Variants in MGMT observed in about 807,000 individuals in gnomAD.
The protein encoded by MGMT is methylated-DNA--protein-cysteine methyltransferase.
Under a neutral mutation model 15.9 loss-of-function variants are expected in MGMT, and 14 were observed. That is an observed-to-expected ratio of 0.88 (90% CI 0.58 to 1.37). The LOEUF is 1.37. Among genes scored for constraint, MGMT ranks in the 40% most tolerant of loss-of-function variants. MGMT has a pLI of 0.00. For missense variants in MGMT, 282 were observed against 268.1 expected, an observed-to-expected ratio of 1.05 and a Z score of -0.36; for synonymous variants, 130 against 118.2, an observed-to-expected ratio of 1.10 and a Z score of -0.65.
intron 2 of MGMT, among the ~76,000 whole-genome samples, chr10:129,552,613 C>T (rs1450739210): frequency 1.3e-5 from 2 of 152,230 alleles, no homozygotes; most frequent in Non-Finnish European, 2.9e-5. Flanking sequence ...AATTCTGCAT[C>T]GCAGGCACAT....
At chr10:129,739,526 A>G (rs1848606132) in intron 3 of MGMT, among the ~76,000 whole-genome samples, 1 of 152,146 alleles carries the variant, frequency 6.6e-6, no homozygotes, top group Non-Finnish European at 1.5e-5. Flanking sequence ...TGCTTTGTGC[A>G]TCTCTGTTGA....
chr10:129,633,732 T>C (rs73388744), intron 2 of MGMT, among the ~76,000 whole-genome samples: 1 of 152,106 alleles, frequency 6.6e-6, no homozygotes, highest in Non-Finnish European at 1.5e-5. Flanking sequence ...CATGTGGTTA[T>C]ATGCATAAAA....
At chr10:129,724,684 G>A (rs901884798) in intron 3 of MGMT, among the ~76,000 whole-genome samples, 1 of 152,284 alleles carries the variant, frequency 6.6e-6, no homozygotes, top group East Asian at 1.9e-4. Flanking sequence ...TGGATATGGG[G>A]TGGAGAGATG....
intron 1 of MGMT, among the ~76,000 whole-genome samples, chr10:129,520,223 A>G (rs1482949226): frequency 6.6e-6 from 1 of 152,134 alleles, no homozygotes; most frequent in Non-Finnish European, 1.5e-5. Context: ...GGGCCAGGCC[A>G]GAAATATTTC....
intron 1 of MGMT, among the ~76,000 whole-genome samples, chr10:129,496,917 T>C (rs1845527495): frequency 6.6e-6 from 1 of 152,170 alleles, no homozygotes; most frequent in South Asian, 2.1e-4. Context: ...CGCCTTGAAC[T>C]CCTGGCCTCA....
chr10:129,715,982 C>T (rs540221133), intron 3 of MGMT, among the ~76,000 whole-genome samples: 29 of 152,170 alleles, frequency 1.9e-4, no homozygotes, highest in East Asian at 1.4e-3. Flanking sequence ...GTTGGAGGTA[C>T]GCGGCGGTCA....
Position 129,699,116 on chromosome 10 carries a change from GAT to G in MGMT, c.126-8776_126-8775del, listed in dbSNP as rs1848066226. On this transcript the variant is annotated intron_variant, in intron 2 of 4. Transcript: ENST00000651593. Reference sequence around the variant, plus strand: ...CTGTCAAATAGTAGAGACTTTTAATGATATGTTAAAATGTTGATAAAATACAA... The same window carrying G: ...CTGTCAAATAGTAGAGACTTTTAATGATGTTAAAATGTTGATAAAATACAA... Among the ~76,000 whole-genome samples the G allele has an allele frequency of 2.6e-5, 4 of 152,214 alleles. No homozygotes were observed. In the South Asian group the frequency reaches 8.3e-4, roughly 32 times the overall value.
chr10:129,580,998 G>A (rs1160145927), intron 2 of MGMT, among the ~76,000 whole-genome samples: 2 of 152,310 alleles, frequency 1.3e-5, no homozygotes, highest in Admixed American at 6.5e-5. Flanking sequence ...AGGTGCTTGG[G>A]GGATGTCAAC....
At chr10:129,594,895 A>G (rs1256816710) in intron 2 of MGMT, among the ~76,000 whole-genome samples, 1 of 152,340 alleles carries the variant, frequency 6.6e-6, no homozygotes, top group East Asian at 1.9e-4. Flanking sequence ...CCTTCGGACC[A>G]GCATTGCCGG....
rs576181127 is a variant in MGMT, at chr10:129,552,293, C to T, written c.125+15916C>T. 3.3e-5 allele frequency among the ~76,000 whole-genome samples: 5 copies of T among 152,318 alleles called. No homozygotes were observed. The South Asian group carries it at 1.0e-3, about 32-fold the overall frequency. On this transcript the variant is annotated intron_variant, in intron 2 of 4. Transcript: ENST00000651593. ...GCGCTCCAGCTGCTGGCAGTGCACA[C>T]CCGGTGGGGCCCTCTGTGGCTTGAG...
chr10:129,730,211 G>T (rs771030456), intron 3 of MGMT, among the ~76,000 whole-genome samples: 1 of 152,104 alleles, frequency 6.6e-6, no homozygotes, highest in Non-Finnish European at 1.5e-5. Context: ...AACCATTGGC[G>T]CATTGAGCAT....
At chr10:129,526,168 G>A (rs1251712035) in intron 1 of MGMT, among the ~76,000 whole-genome samples, 3 of 152,330 alleles carry the variant, frequency 2.0e-5, no homozygotes, top group East Asian at 3.9e-4. Context: ...GCCACACCAC[G>A]TGGCCAGGTT....
intron 2 of MGMT, among the ~76,000 whole-genome samples, chr10:129,682,405 G>A (rs2133121210): frequency 6.6e-6 from 1 of 152,004 alleles, no homozygotes; most frequent in South Asian, 2.1e-4. Flanking sequence ...CTAAAAGATA[G>A]GATTTTTTTT....
chr10:129,706,425 G>A (rs1009973137), intron 2 of MGMT, among the ~76,000 whole-genome samples: 44 of 152,132 alleles, frequency 2.9e-4, no homozygotes, highest in African/African-American at 4.3e-4. Context: ...CTCAGCGCAC[G>A]CCCCCCAAGG....
chr10:129,482,706 C>T (rs1430651649), intron 1 of MGMT, among the ~76,000 whole-genome samples: 1 of 152,088 alleles, frequency 6.6e-6, no homozygotes, highest in Non-Finnish European at 1.5e-5. Flanking sequence ...TTAGGATAGC[C>T]ACTCCAGCTT....
chr10:129,564,187 C>T (rs1406927395), intron 2 of MGMT: 1 of 123,832 alleles, frequency 8.1e-6, no homozygotes, highest in African/African-American at 3.1e-5. Context: ...CTTCTTCTTC[C>T]ACTCCCCCAC....
intron 2 of MGMT, among the ~76,000 whole-genome samples, chr10:129,564,697 T>C (rs557250650): frequency 7.9e-6 from 1 of 125,982 alleles, no homozygotes; most frequent in Non-Finnish European, 1.7e-5. Flanking sequence ...CCTCCTCTCC[T>C]TCCTCCTCTT....
rs1216153437 is a variant in MGMT at position 129,716,038 on chromosome 10, G to C, written c.274+7995G>C. Reference sequence around the variant, plus strand: ...TGGAGATGGGAACATCCTCAAGACAGAGCAGACTTCCTGGAGGCTCAGCCG... The same window carrying C: ...TGGAGATGGGAACATCCTCAAGACACAGCAGACTTCCTGGAGGCTCAGCCG... On this transcript the variant is annotated intron_variant, in intron 3 of 4. Transcript: ENST00000651593. Among the ~76,000 whole-genome samples the C allele has an allele frequency of 3.3e-5, 5 of 152,352 alleles. No individual in the cohort carries two copies. In the South Asian group the frequency reaches 6.2e-4, roughly 19 times the overall value.
At chr10:129,741,352 G>A (rs368089426) in intron 3 of MGMT, among the ~76,000 whole-genome samples, 82 of 152,296 alleles carry the variant, frequency 5.4e-4, no homozygotes, top group Admixed American at 8.5e-4. Flanking sequence ...GGCAACACCC[G>A]GGAGGCTGCT....
Sources: gnomAD v4.1 joint callset for allele counts (sites outside exome capture counted in the v4.1 genomes callset) on GRCh38, gnomAD v4.1.1 for gene constraint, MANE v1.5 for transcripts, NCBI Gene and HGNC (gene_info 2026-07-23, HGNC 2026-07-21) for gene names.